SCARA3: variants seen among roughly 807,000 people sequenced by gnomAD.
SCARA3 encodes the protein cellular stress response gene protein.
A neutral mutation model predicts 47.0 loss-of-function variants in SCARA3; 39 were observed. The ratio of observed to expected loss-of-function variants is 0.83; its 90% confidence interval spans 0.64 to 1.08. SCARA3 has a LOEUF of 1.08. SCARA3 is among the 50% of genes least tolerant of loss of function. The probability of loss-of-function intolerance (pLI) is 0.00; values close to 1 mark genes in which losing one functional copy is unlikely to be tolerated. For synonymous variants in SCARA3, 356 were observed against 334.1 expected, an observed-to-expected ratio of 1.07 and a Z score of -0.71; for missense variants, 724 against 792.3, an observed-to-expected ratio of 0.91 and a Z score of 1.04.
chr8:27,679,145 C>T (rs1802321417), downstream of SCARA3, among the ~76,000 whole-genome samples: 1 of 151,854 alleles, frequency 6.6e-6, no homozygotes, highest in Admixed American at 6.6e-5. Context: ...CCTCCTCTTC[C>T]TTGTTCTCCT....
At chr8:27,697,336 T>A in the SCARA3 span, 3 of 203,586 alleles carry the variant, frequency 1.5e-5, no homozygotes, top group Non-Finnish European at 3.2e-5. Flanking sequence ...TGAGCAGGCG[T>A]CCCACGCCTG....
At chr8:27,709,548 G>T in the SCARA3 span, among the ~76,000 whole-genome samples, 2 of 152,150 alleles carry the variant, frequency 1.3e-5, no homozygotes, top group East Asian at 3.8e-4. Context: ...GAGGCGCTTG[G>T]GGGCTGTTTG....
chr8:27,670,763 A>G, intron 5 of SCARA3, 137 bp from the exon 6 acceptor site: 1 of 660,824 alleles, frequency 1.5e-6, no homozygotes, highest in Non-Finnish European at 2.5e-6. Context: ...GCTATCGGCA[A>G]GCCTTGCAGT....
At chr8:27,634,604 G>C (rs1454115688) in intron 1 of SCARA3, among the ~76,000 whole-genome samples, 1 of 152,158 alleles carries the variant, frequency 6.6e-6, no homozygotes, top group South Asian at 2.1e-4. Context: ...CCCCCACCGA[G>C]CCTTTCAACC....
chr8:27,717,967 A>T, the SCARA3 span, among the ~76,000 whole-genome samples: 8 of 152,050 alleles, frequency 5.3e-5, 1 homozygote, highest in Admixed American at 5.2e-4. Flanking sequence ...CTACCTCCCC[A>T]GACTCCCAGG....
At chr8:27,644,981 G>T (rs1801461409) in intron 1 of SCARA3, among the ~76,000 whole-genome samples, 1 of 152,186 alleles carries the variant, frequency 6.6e-6, no homozygotes, top group South Asian at 2.1e-4. Flanking sequence ...GATGTCCCTT[G>T]TTCTGTTCTG....
At chr8:27,710,000 G>A in the SCARA3 span, among the ~76,000 whole-genome samples, 1 of 152,156 alleles carries the variant, frequency 6.6e-6, no homozygotes, top group Non-Finnish European at 1.5e-5. Flanking sequence ...GGAGGCTAAG[G>A]GGGGCGGATC....
chr8:27,697,194 A>T, the SCARA3 span: 1 of 214,436 alleles, frequency 4.7e-6, no homozygotes, highest in South Asian at 8.7e-5. Context: ...CCCAGAGCAA[A>T]GGGAAGATGG....
Position 27,672,614 on chromosome 8 carries a change from A to G in SCARA3, c.*1263A>G, listed in dbSNP as rs1208941178. 9.1e-6 allele frequency: 9 copies of G among 985,488 alleles called. No homozygotes were observed. The highest frequency in any genetic ancestry group is 1.1e-4 in the East Asian group (1 of 8,816). 61.0% of individuals were successfully genotyped at this position (985,488 alleles called of 1,614,324 possible). A position where few individuals can be genotyped will look rare whatever the true frequency, so the allele number is the denominator to read the frequency against. On this transcript the variant is annotated 3_prime_UTR_variant, in exon 6 of 6. Coordinates refer to ENST00000301904, the MANE Select transcript of SCARA3 (RefSeq NM_016240.3). ...CTTTGCATGGGCAGCCAGCTGGACT[A>G]GGAGTGGGAAGGGCCTGGACACTCA...
At position 27,672,310 on chromosome 8, in the gene SCARA3, G is replaced by A; in HGVS notation, c.*959G>A. On this transcript the variant is annotated 3_prime_UTR_variant, in exon 6 of 6. Transcript: ENST00000301904. ...AGGAATCCAAGCAGGAGTTTCATCTGCATGGGGGCACTCTGCAGGCCCTGG... is the reference window on the plus strand; with the variant it reads ...AGGAATCCAAGCAGGAGTTTCATCTACATGGGGGCACTCTGCAGGCCCTGG... The A allele has an allele frequency of 1.0e-6, 1 of 985,500 alleles. No individual in the cohort carries two copies. Among genetic ancestry groups the A allele is most frequent in the Non-Finnish European group, 1.2e-6 (1 of 829,978 alleles). 61.0% of individuals were successfully genotyped at this position (985,500 alleles called of 1,614,324 possible).
the SCARA3 span, among the ~76,000 whole-genome samples, chr8:27,690,306 G>GT: frequency 6.6e-6 from 1 of 151,450 alleles, no homozygotes; most frequent in Non-Finnish European, 1.5e-5. Context: ...AAAGAAGGGG[G>GT]CAAATATTCT....
chr8:27,720,737 C>T, the SCARA3 span, among the ~76,000 whole-genome samples: 5 of 151,830 alleles, frequency 3.3e-5, no homozygotes, highest in East Asian at 9.7e-4. Context: ...CCTATTTATC[C>T]ACTCGTCCAT....
intron 3 of SCARA3, among the ~76,000 whole-genome samples, chr8:27,652,988 T>C (rs977299418): frequency 2.6e-5 from 4 of 152,184 alleles, no homozygotes; most frequent in African/African-American, 9.7e-5. Context: ...ACCACCTGTG[T>C]CTGCTAAATC....
rs545981258 is a variant in SCARA3 at position 27,656,289 on chromosome 8, C to T, written c.227-493C>T. On this transcript the variant is annotated intron_variant, in intron 3 of 5. Transcript: ENST00000301904. Reference sequence around the variant, plus strand: ...TATACATTAAACTTTATCTTAAGTACGTATGTATAGGAAAACACATAGCAT... The same window carrying T: ...TATACATTAAACTTTATCTTAAGTATGTATGTATAGGAAAACACATAGCAT... 3.3e-5 allele frequency among the ~76,000 whole-genome samples: 5 copies of T among 152,208 alleles called. No homozygotes were observed. In the South Asian group the frequency reaches 8.3e-4, roughly 25 times the overall value.
At chr8:27,644,429 T>C (rs1424477655) in intron 1 of SCARA3, among the ~76,000 whole-genome samples, 2 of 152,170 alleles carry the variant, frequency 1.3e-5, no homozygotes, top group African/African-American at 4.8e-5. Flanking sequence ...AGGCAGAAAC[T>C]GGCTCATGGA....
the SCARA3 span, among the ~76,000 whole-genome samples, chr8:27,728,580 G>C: frequency 6.6e-6 from 1 of 152,184 alleles, no homozygotes; most frequent in Non-Finnish European, 1.5e-5. Flanking sequence ...TGGGGAAGAG[G>C]AGGACCATGG....
intron 1 of SCARA3, among the ~76,000 whole-genome samples, chr8:27,644,427 AC>A (rs774558158): frequency 6.6e-6 from 1 of 152,118 alleles, no homozygotes; most frequent in Non-Finnish European, 1.5e-5. Flanking sequence ...GCAGGCAGAA[AC>A]TGGCTCATGG....
At chr8:27,684,413 C>A in the SCARA3 span, among the ~76,000 whole-genome samples, 1 of 152,200 alleles carries the variant, frequency 6.6e-6, no homozygotes, top group Admixed American at 6.5e-5. Flanking sequence ...AGTCTGGGTG[C>A]TGTGGCCCAC....
At chr8:27,676,807 G>A (rs1186436407), downstream of SCARA3, 1 of 430,732 alleles carries the variant, frequency 2.3e-6, no homozygotes, top group Admixed American at 3.8e-5. Flanking sequence ...AGGGGGATGT[G>A]ATTAAAATAT....
Sources: allele counts gnomAD v4.1 joint callset (sites outside exome capture counted in the v4.1 genomes callset), GRCh38; gene constraint gnomAD v4.1.1; transcripts MANE v1.5; gene names NCBI Gene and HGNC (gene_info 2026-07-23, HGNC 2026-07-21).